Variants in FTO observed in about 807,000 individuals in gnomAD.
FTO encodes alpha-ketoglutarate-dependent dioxygenase FTO.
In FTO, 47 loss-of-function variants were observed where a neutral mutation model predicts 63.9. That is an observed-to-expected ratio of 0.74 (90% CI 0.58 to 0.94). The LOEUF (loss-of-function observed/expected upper bound fraction) is 0.94. Ranked by LOEUF, FTO falls within the 40% of genes least tolerant of loss-of-function variation. The pLI, the probability that FTO is intolerant of heterozygous loss-of-function variation, is 0.00. For missense variants in FTO, 562 were observed against 618.1 expected, an observed-to-expected ratio of 0.91 and a Z score of 0.96; for synonymous variants, 207 against 224.4, an observed-to-expected ratio of 0.92 and a Z score of 0.69.
intron 8 of FTO, among the ~76,000 whole-genome samples, chr16:54,109,460 A>G (rs1334694870): frequency 6.6e-6 from 1 of 152,164 alleles, no homozygotes; most frequent in Non-Finnish European, 1.5e-5. Context: ...CCTCCCAAGT[A>G]GCTGGGATCA....
intron 1 of FTO, among the ~76,000 whole-genome samples, chr16:53,761,756 C>T (rs193052660): frequency 2.4e-5 from 2 of 83,138 alleles, no homozygotes; most frequent in East Asian, 7.9e-4. Context: ...TTTCACCCAA[C>T]TAGATTATGG....
chr16:54,004,602 C>T (rs1255878153), intron 8 of FTO, among the ~76,000 whole-genome samples: 4 of 151,886 alleles, frequency 2.6e-5, no homozygotes, highest in South Asian at 2.1e-4. Context: ...TGCTAGGGAC[C>T]GCATGCCATT....
In FTO at chr16:53,855,645, C is replaced by T. The variant is rs12921680; in HGVS notation, c.895+11347C>T. Among the ~76,000 whole-genome samples the T allele has an allele frequency of 8.6e-3, 1,306 of 152,100 alleles. 10 individuals are homozygous for T. Among genetic ancestry groups the T allele is most frequent in the Non-Finnish European group, 0.014 (958 of 67,996 alleles). The stretch of plus-strand genomic sequence containing the variant: ...CCTGCCTGGGAAAGGTTTTGAAATT[C>T]CTTCTCAAACAGATGGCCATTCACC... On this transcript the variant is annotated intron_variant, in intron 4 of 8. Coordinates refer to ENST00000471389, the MANE Select transcript of FTO (RefSeq NM_001080432.3).
intron 2 of FTO, among the ~76,000 whole-genome samples, chr16:53,824,025 A>G (rs942570057): frequency 2.0e-5 from 3 of 152,242 alleles, no homozygotes; most frequent in Non-Finnish European, 4.4e-5. Context: ...AGTCCAGACC[A>G]TCACTTTTCT....
chr16:54,092,356 C>T (rs1452965523), intron 8 of FTO, among the ~76,000 whole-genome samples: 2 of 152,112 alleles, frequency 1.3e-5, no homozygotes, highest in African/African-American at 4.8e-5. Context: ...GATCTCAAGA[C>T]CTGGATTCTA....
At chr16:53,906,939 C>T (rs576818164) in intron 7 of FTO, among the ~76,000 whole-genome samples, 22 of 152,150 alleles carry the variant, frequency 1.4e-4, no homozygotes, top group Non-Finnish European at 2.4e-4. Context: ...TGAAATACCT[C>T]TCAAAGTTGT....
intron 2 of FTO, among the ~76,000 whole-genome samples, chr16:53,820,944 T>A (rs2078849881): frequency 6.6e-6 from 1 of 152,154 alleles, no homozygotes; most frequent in African/African-American, 2.4e-5. Flanking sequence ...GGACATGATC[T>A]GAGTGGGAAA....
intron 8 of FTO, among the ~76,000 whole-genome samples, chr16:53,969,990 AAG>A (rs1264613618): frequency 6.6e-6 from 1 of 152,138 alleles, no homozygotes; most frequent in Admixed American, 6.5e-5. Context: ...AAAAGAGGAA[AAG>A]AGTGCACCAG....
chr16:53,966,606 G>C (rs1466294458), intron 8 of FTO, among the ~76,000 whole-genome samples: 1 of 152,152 alleles, frequency 6.6e-6, no homozygotes, highest in Non-Finnish European at 1.5e-5. Flanking sequence ...CTTGGTTTCA[G>C]TTGCTCTGGA....
intron 4 of FTO, among the ~76,000 whole-genome samples, chr16:53,870,359 A>T (rs1349543552): frequency 2.0e-5 from 3 of 152,164 alleles, no homozygotes; most frequent in Non-Finnish European, 4.4e-5. Context: ...GTTCCCTAAG[A>T]TGGAGCTCCC....
intron 1 of FTO, among the ~76,000 whole-genome samples, chr16:53,771,803 T>C (rs1048443170): frequency 2.0e-5 from 3 of 152,122 alleles, no homozygotes; most frequent in African/African-American, 7.2e-5. Context: ...GAAGTACTGG[T>C]ACCATGCTAT....
intron 8 of FTO, among the ~76,000 whole-genome samples, chr16:54,020,626 G>A (rs577966815): frequency 4.6e-5 from 7 of 152,250 alleles, no homozygotes; most frequent in East Asian, 3.9e-4. Context: ...TGGAGTGTAC[G>A]TGCCACAGAC....
At chr16:54,040,324 A>G (rs1390425287) in intron 8 of FTO, 1 of 152,220 alleles carries the variant, frequency 6.6e-6, no homozygotes, top group Non-Finnish European at 1.5e-5. Context: ...AATCATTTAT[A>G]TGGCAAAATC....
At chr16:53,797,660 C>A (rs190201390) in intron 1 of FTO, among the ~76,000 whole-genome samples, 65 of 152,116 alleles carry the variant, frequency 4.3e-4, no homozygotes, top group Non-Finnish European at 6.6e-4. Flanking sequence ...CATTCATGTG[C>A]AGATTTTTAT....
chr16:53,774,820 TG>T (rs1227398893), intron 1 of FTO, among the ~76,000 whole-genome samples: 1 of 152,108 alleles, frequency 6.6e-6, no homozygotes, highest in African/African-American at 2.4e-5. Context: ...CTAGAACTGT[TG>T]ATTTGTAAGA....
At chr16:53,978,113 T>G (rs1245396180) in intron 8 of FTO, among the ~76,000 whole-genome samples, 1 of 152,156 alleles carries the variant, frequency 6.6e-6, no homozygotes, top group East Asian at 1.9e-4. Context: ...AACAGTGAGG[T>G]TAGAGAAGAC....
At chr16:53,900,929 G>A (rs575876947) in intron 7 of FTO, among the ~76,000 whole-genome samples, 81 of 152,202 alleles carry the variant, frequency 5.3e-4, no homozygotes, top group South Asian at 1.0e-3. Context: ...GATTAGCAAG[G>A]ACCTTTTTTT....
chr16:54,104,810 T>C (rs1185888688), intron 8 of FTO, among the ~76,000 whole-genome samples: 2 of 152,224 alleles, frequency 1.3e-5, no homozygotes, highest in East Asian at 3.9e-4. Flanking sequence ...CTGATGAAGC[T>C]GTCCATTTAA....
chr16:54,059,046 C>T (rs2085508799), intron 8 of FTO, among the ~76,000 whole-genome samples: 1 of 152,176 alleles, frequency 6.6e-6, no homozygotes, highest in Non-Finnish European at 1.5e-5. Flanking sequence ...CCAGACAATA[C>T]AGATGATAAA....
Sources: allele counts gnomAD v4.1 joint callset (sites outside exome capture counted in the v4.1 genomes callset), GRCh38; gene constraint gnomAD v4.1.1; transcripts MANE v1.5; gene names NCBI Gene and HGNC (gene_info 2026-07-23, HGNC 2026-07-21).